The following UGGT1 variants were observed in gnomAD, a reference collection of about 807,000 sequenced individuals.
UGGT1 encodes the protein UDP-glucose:glycoprotein glucosyltransferase 1.
In UGGT1, 107 loss-of-function variants were observed where a neutral mutation model predicts 203.9. The observed-to-expected ratio is 0.52, with a 90% CI of 0.45 to 0.62. The LOEUF (loss-of-function observed/expected upper bound fraction) is 0.62. Ranked by LOEUF, UGGT1 falls within the 20% of genes least tolerant of loss-of-function variation. UGGT1 has a pLI of 0.00. For synonymous variants in UGGT1, 628 were observed against 653.5 expected (o/e 0.96, Z 0.59); for missense variants, 1,673 against 1,867.2 (o/e 0.90, Z 1.92).
chr2:128,132,546 A>C (rs1299813924), intron 13 of UGGT1, among the ~76,000 whole-genome samples: 1 of 152,214 alleles, frequency 6.6e-6, no homozygotes, highest in African/African-American at 2.4e-5. Flanking sequence ...ACTTCATCTC[A>C]AAAACAAAAA....
intron 34 of UGGT1, among the ~76,000 whole-genome samples, chr2:128,179,424 G>A (rs1194403896): frequency 1.3e-5 from 2 of 152,198 alleles, no homozygotes; most frequent in Non-Finnish European, 2.9e-5. Flanking sequence ...CTGATGTCAT[G>A]TGACAGGAGT....
chr2:128,101,912 C>T (rs939253158), intron 2 of UGGT1, among the ~76,000 whole-genome samples: 8 of 152,100 alleles, frequency 5.3e-5, no homozygotes, highest in Admixed American at 5.2e-4. Flanking sequence ...GGCATTCATT[C>T]TGGTTGTTTG....
At chr2:128,141,264 G>A (rs1689410006) in intron 16 of UGGT1, among the ~76,000 whole-genome samples, 1 of 151,872 alleles carries the variant, frequency 6.6e-6, no homozygotes, top group African/African-American at 2.4e-5. Context: ...TTCGAGACCA[G>A]CCTGGCCAAC....
intron 31 of UGGT1, among the ~76,000 whole-genome samples, chr2:128,176,403 G>A (rs911537049): frequency 2.4e-4 from 25 of 102,276 alleles, no homozygotes; most frequent in Non-Finnish European, 5.5e-5. Context: ...GCAAAACTCT[G>A]TCTCAAAAAA....
At chr2:128,136,833 G>T (rs1391787548) in intron 15 of UGGT1, among the ~76,000 whole-genome samples, 2 of 152,188 alleles carry the variant, frequency 1.3e-5, no homozygotes, top group Non-Finnish European at 2.9e-5. Context: ...CACCAGCAAT[G>T]AATGAGAGAT....
At chr2:128,111,371 A>G (rs1356020796) in intron 5 of UGGT1, among the ~76,000 whole-genome samples, 4 of 152,206 alleles carry the variant, frequency 2.6e-5, no homozygotes, top group African/African-American at 9.6e-5. Context: ...AAAAACAGAA[A>G]CAAAAACGTC....
At chr2:128,179,467 A>C (rs1691571333) in intron 34 of UGGT1, among the ~76,000 whole-genome samples, 1 of 152,186 alleles carries the variant, frequency 6.6e-6, no homozygotes. Flanking sequence ...CCCGATTTCC[A>C]GGGTTCATCT....
chr2:128,092,943 T>A (rs1183138826), intron 1 of UGGT1, among the ~76,000 whole-genome samples: 3 of 152,228 alleles, frequency 2.0e-5, no homozygotes, highest in Non-Finnish European at 4.4e-5. Context: ...TATCTCAGAC[T>A]GTTTGTCTTT....
chr2:128,154,139 A>G (rs1200888685), intron 19 of UGGT1, among the ~76,000 whole-genome samples: 1 of 152,160 alleles, frequency 6.6e-6, no homozygotes, highest in Non-Finnish European at 1.5e-5. Flanking sequence ...ATAGGCTTAT[A>G]TTTGAGAAAG....
In UGGT1 at chr2:128,182,292, T is replaced by A. The variant is rs779823013; in HGVS notation, c.4244+2T>A. The stretch of plus-strand genomic sequence containing the variant: ...AGCCGGGCGAAAGTATCATATCAGG[T>A]ACTGAAAAGAAGCACTCCTAACACT... On this transcript the variant is annotated splice_donor_variant, in intron 37 of 40. Coordinates refer to ENST00000259253, the MANE Select transcript of UGGT1 (RefSeq NM_020120.4). LOFTEE classifies it high-confidence loss of function. 6.2e-7 allele frequency: 1 copy of A among 1,610,312 alleles called. No individual in the cohort carries two copies. Among genetic ancestry groups the A allele is most frequent in the Non-Finnish European group, 8.5e-7 (1 of 1,178,716 alleles).
At chr2:128,181,155 T>G in intron 36 of UGGT1, 83 bp downstream of exon 36, 1 of 1,317,934 alleles carries the variant, frequency 7.6e-7, no homozygotes, top group African/African-American at 1.5e-5. Context: ...TTTCCACTTA[T>G]GGAAAAGGAC....
At chr2:128,122,715 A>G (rs982477948) in intron 10 of UGGT1, among the ~76,000 whole-genome samples, 10 of 152,110 alleles carry the variant, frequency 6.6e-5, no homozygotes, top group Middle Eastern at 3.2e-3. Flanking sequence ...TTGACTTCTG[A>G]TGTGAGATAT....
intron 1 of UGGT1, 84 bp from the exon 2 acceptor site, chr2:128,097,345 A>T (rs1306411808): frequency 6.7e-7 from 1 of 1,495,550 alleles, no homozygotes; most frequent in Non-Finnish European, 8.9e-7. Flanking sequence ...ACTGCACTCC[A>T]GCCTGGGCGA....
In UGGT1 at chr2:128,133,270, A is replaced by G; in HGVS notation, c.1497+10A>G. 1 of 1,610,636 alleles carries G rather than the reference A, an allele frequency of 6.2e-7. No individual in the cohort carries two copies. On this transcript the variant is annotated intron_variant, in intron 14 of 40. Transcript: ENST00000259253. ...AAACTTACATAATATGGTAAGTAAA[A>G]CTTATTGTCTGGCTGTGAACTCTGT... is the stretch of plus-strand genomic sequence containing the variant.
chr2:128,134,321 C>T (rs1263805756), intron 14 of UGGT1, among the ~76,000 whole-genome samples: 1 of 152,222 alleles, frequency 6.6e-6, no homozygotes, highest in East Asian at 1.9e-4. Context: ...CAGGTGTGAG[C>T]CACCATGCCT....
At chr2:128,130,568 A>G (rs1303738243) in intron 13 of UGGT1, among the ~76,000 whole-genome samples, 1 of 152,186 alleles carries the variant, frequency 6.6e-6, no homozygotes, top group Non-Finnish European at 1.5e-5. Context: ...AAAGGGACTA[A>G]CAACCATAGG....
chr2:128,187,812 T>TG (rs1013674489), intron 40 of UGGT1, among the ~76,000 whole-genome samples, 198 bp downstream of exon 40: 6 of 146,858 alleles, frequency 4.1e-5, no homozygotes, highest in African/African-American at 1.6e-4. Flanking sequence ...GCAATTGCTA[T>TG]GTTTTTTTTT....
intron 22 of UGGT1, 32 bp from the exon 23 acceptor site, chr2:128,159,482 A>C (rs747448177): frequency 6.3e-7 from 1 of 1,591,530 alleles, no homozygotes; most frequent in Non-Finnish European, 8.6e-7. Context: ...AAATATCTAC[A>C]ATATGACTCC....
chr2:128,147,810 C>G (rs1689761428), intron 18 of UGGT1, among the ~76,000 whole-genome samples: 1 of 152,054 alleles, frequency 6.6e-6, no homozygotes, highest in South Asian at 2.1e-4. Context: ...TGAGATCTTT[C>G]TATGTTGCCC....
Sources: gnomAD v4.1 joint callset for allele counts (sites outside exome capture counted in the v4.1 genomes callset) on GRCh38, gnomAD v4.1.1 for gene constraint, MANE v1.5 for transcripts, NCBI Gene and HGNC (gene_info 2026-07-23, HGNC 2026-07-21) for gene names.